Variants in SRBD1 observed in about 807,000 individuals in gnomAD.
SRBD1 encodes S1 RNA-binding domain-containing protein 1.
A neutral mutation model predicts 115.3 loss-of-function variants in SRBD1; 88 were observed. That is an observed-to-expected ratio of 0.76 (90% CI 0.64 to 0.91). The LOEUF (loss-of-function observed/expected upper bound fraction) is 0.91. Among genes scored for constraint, SRBD1 ranks in the 40% least tolerant of loss-of-function variants. The pLI, the probability that SRBD1 is intolerant of heterozygous loss-of-function variation, is 0.00. For missense variants in SRBD1, 1,385 were observed against 1,177.4 expected, an observed-to-expected ratio of 1.18 and a Z score of -2.58; for synonymous variants, 509 against 407.7, an observed-to-expected ratio of 1.25 and a Z score of -2.99.
intron 16 of SRBD1, among the ~76,000 whole-genome samples, chr2:45,440,415 C>T (rs895485757): frequency 6.6e-6 from 1 of 152,134 alleles, no homozygotes; most frequent in Non-Finnish European, 1.5e-5. Context: ...TAAATGTCTG[C>T]CTTGCCCACA....
intron 19 of SRBD1, among the ~76,000 whole-genome samples, chr2:45,401,337 G>A (rs189122146): frequency 2.6e-5 from 4 of 152,076 alleles, no homozygotes; most frequent in African/African-American, 7.2e-5. Context: ...TATATTTTAG[G>A]TTTGGCCTCT....
chr2:45,563,332 T>C (rs1403227177), intron 9 of SRBD1, among the ~76,000 whole-genome samples: 1 of 152,032 alleles, frequency 6.6e-6, no homozygotes, highest in African/African-American at 2.4e-5. Context: ...AAAAAAAGAA[T>C]TTAAACTTCA....
intron 14 of SRBD1, among the ~76,000 whole-genome samples, chr2:45,537,547 G>T (rs1671802831): frequency 6.6e-6 from 1 of 152,108 alleles, no homozygotes; most frequent in Non-Finnish European, 1.5e-5. Flanking sequence ...GGATGTTTTT[G>T]TTCTAGCTAA....
chr2:45,433,487 AAGTTTACTTCTT>A (rs1433132363), intron 16 of SRBD1, among the ~76,000 whole-genome samples: 2 of 152,222 alleles, frequency 1.3e-5, no homozygotes, highest in Non-Finnish European at 2.9e-5. Flanking sequence ...CAAATGAAGC[AAGTTTACTTCTT>A]CATTTTGCAT....
At chr2:45,413,815 C>G (rs1411538005) in intron 18 of SRBD1, among the ~76,000 whole-genome samples, 1 of 151,900 alleles carries the variant, frequency 6.6e-6, no homozygotes, top group Non-Finnish European at 1.5e-5. Flanking sequence ...GCCTGTAGTC[C>G]CAGCTACTTG....
chr2:45,405,857 G>A (rs576525679), intron 19 of SRBD1, among the ~76,000 whole-genome samples: 48 of 152,074 alleles, frequency 3.2e-4, no homozygotes, highest in Non-Finnish European at 5.4e-4. Context: ...AAGAATTAGA[G>A]GCAGATAGTT....
At chr2:45,391,203 A>G (rs1254787610) in intron 20 of SRBD1, among the ~76,000 whole-genome samples, 3 of 152,170 alleles carry the variant, frequency 2.0e-5, no homozygotes. Context: ...ACAGTTGGGG[A>G]CACTGAGAAA....
intron 16 of SRBD1, among the ~76,000 whole-genome samples, chr2:45,434,961 C>G (rs952425473): frequency 6.6e-6 from 1 of 151,904 alleles, no homozygotes; most frequent in South Asian, 2.1e-4. Context: ...TGATGTTCCC[C>G]GCCCTGTGTC....
chr2:45,603,863 G>A lies in SRBD1; in HGVS notation c.80+1499C>T, dbSNP rs183902293. Among the ~76,000 whole-genome samples, 9 of 151,966 alleles carry A rather than the reference G, an allele frequency of 5.9e-5. No homozygotes were observed. The South Asian group carries it at 8.3e-4, about 14-fold the overall frequency. ...CAATTTTATATAGTATCTCCAACTC[G>A]ACCTTCCCCGCTTGAGCTCAAGACT... On this transcript the variant is annotated intron_variant, in intron 2 of 20. Transcript: ENST00000263736.
At chr2:45,596,734 T>C (rs1673907644) in intron 4 of SRBD1, among the ~76,000 whole-genome samples, 1 of 152,156 alleles carries the variant, frequency 6.6e-6, no homozygotes, top group Admixed American at 6.5e-5. Context: ...TGGTAAGTAT[T>C]ATGATCCCTT....
intron 16 of SRBD1, among the ~76,000 whole-genome samples, chr2:45,444,722 AT>A (rs1267375109): frequency 6.6e-6 from 1 of 152,144 alleles, no homozygotes; most frequent in Non-Finnish European, 1.5e-5. Context: ...TTTTCTCTAA[AT>A]TTCCTCTGAA....
intron 4 of SRBD1, among the ~76,000 whole-genome samples, chr2:45,591,527 G>C (rs1010989906): frequency 5.9e-5 from 9 of 152,148 alleles, no homozygotes; most frequent in African/African-American, 2.2e-4. Flanking sequence ...TGTAGGCAGT[G>C]GGCAAAATGA....
At chr2:45,571,706 G>A (rs755279401) in intron 9 of SRBD1, among the ~76,000 whole-genome samples, 1 of 151,712 alleles carries the variant, frequency 6.6e-6, no homozygotes, top group Non-Finnish European at 1.5e-5. Flanking sequence ...TTATAAAAAA[G>A]AACAAAATAG....
intron 4 of SRBD1, among the ~76,000 whole-genome samples, chr2:45,592,641 C>A (rs1673761190): frequency 6.6e-6 from 1 of 152,176 alleles, no homozygotes; most frequent in South Asian, 2.1e-4. Context: ...CAGACCCTTA[C>A]AGATTTGACA....
At chr2:45,484,738 A>C (rs1670064432) in intron 15 of SRBD1, among the ~76,000 whole-genome samples, 3 of 152,202 alleles carry the variant, frequency 2.0e-5, no homozygotes, top group Non-Finnish European at 4.4e-5. Flanking sequence ...TTAAGCAGTC[A>C]CTGTCCATTC....
At chr2:45,416,253 TAGAA>T (rs1667828520) in intron 18 of SRBD1, among the ~76,000 whole-genome samples, 1 of 132,080 alleles carries the variant, frequency 7.6e-6, no homozygotes, top group Admixed American at 7.6e-5. Context: ...TTAAATGTCA[TAGAA>T]AGTATAAAAA....
In SRBD1 at chr2:45,538,459, C is replaced by A. The variant is rs565566022; in HGVS notation, c.1874+8273G>T. ...TCCCGATAAACTAACCTGCAAATCC[C>A]GATAGTGAAGTAGCATCTTCCAGAG... On this transcript the variant is annotated intron_variant, in intron 14 of 20. Transcript: ENST00000263736. 4.4e-3 allele frequency among the ~76,000 whole-genome samples: 670 copies of A among 152,250 alleles called. 16 individuals carry two copies. The highest frequency in any genetic ancestry group is 5.5e-3 in the Non-Finnish European group (374 of 68,006).
At chr2:45,406,584 C>T (rs1667444466) in intron 19 of SRBD1, among the ~76,000 whole-genome samples, 1 of 152,114 alleles carries the variant, frequency 6.6e-6, no homozygotes, top group South Asian at 2.1e-4. Flanking sequence ...TGCTCTGTAC[C>T]ATACTCCTCT....
intron 5 of SRBD1, among the ~76,000 whole-genome samples, chr2:45,582,483 A>T (rs900218203): frequency 3.3e-5 from 5 of 152,164 alleles, no homozygotes; most frequent in Non-Finnish European, 7.4e-5. Context: ...TCTTGTAATT[A>T]TAAGTATTTT....
Sources: gnomAD v4.1 joint callset for allele counts (sites outside exome capture counted in the v4.1 genomes callset) on GRCh38, gnomAD v4.1.1 for gene constraint, MANE v1.5 for transcripts, NCBI Gene and HGNC (gene_info 2026-07-23, HGNC 2026-07-21) for gene names.